The following NEK11 variants were observed in gnomAD, a reference collection of about 807,000 sequenced individuals.
The protein encoded by NEK11 is serine/threonine-protein kinase Nek11.
In NEK11, 72 loss-of-function variants were observed where a neutral mutation model predicts 80.7. The observed-to-expected ratio is 0.89, with a 90% CI of 0.74 to 1.08. The LOEUF (loss-of-function observed/expected upper bound fraction) is 1.08, where lower values mean the gene tolerates loss of function less well. Ranked by LOEUF, NEK11 falls within the 50% of genes least tolerant of loss-of-function variation. The pLI is 0.00. For missense variants in NEK11, 764 were observed against 763.6 expected (o/e 1.00, Z -0.01); for synonymous variants, 251 against 260.7 (o/e 0.96, Z 0.36).
intron 17 of NEK11, among the ~76,000 whole-genome samples, chr3:131,296,868 G>A (rs1182950336): frequency 2.0e-5 from 3 of 151,630 alleles, no homozygotes; most frequent in African/African-American, 7.3e-5. Context: ...GTGTCCATGG[G>A]TTCTCATTGT....
At chr3:131,090,798 T>G (rs1452462623) in intron 4 of NEK11, among the ~76,000 whole-genome samples, 2 of 152,214 alleles carry the variant, frequency 1.3e-5, no homozygotes, top group African/African-American at 4.8e-5. Flanking sequence ...TGGGGTTTCA[T>G]TCTGTCACCA....
At chr3:131,338,441 TTATAAAGTTAAA>T (rs1451230551) in intron 17 of NEK11, among the ~76,000 whole-genome samples, 1 of 152,120 alleles carries the variant, frequency 6.6e-6, no homozygotes, top group African/African-American at 2.4e-5. Context: ...AAGCAGTTTC[TTATAAAGTTAAA>T]TATACACTTA....
At chr3:131,250,252 A>G (rs58253311) in intron 16 of NEK11, among the ~76,000 whole-genome samples, 1,796 of 152,130 alleles carry the variant, frequency 0.012, 50 homozygotes, top group African/African-American at 0.04. Context: ...TTCCAGGAAA[A>G]AAGAACAGAA....
rs111825240 is a variant in NEK11, at chr3:131,175,407, C to A, written c.1399+4520C>A. On this transcript the variant is annotated intron_variant, in intron 14 of 17. Transcript: ENST00000383366. ...GTAGTTTGTTGATGGAATATATACT[C>A]TTTGACACTGAAAAGGAACACACAC... 2.6e-3 allele frequency among the ~76,000 whole-genome samples: 391 copies of A among 152,260 alleles called. 1 individual carries two copies. Among genetic ancestry groups the A allele is most frequent in the African/African-American group, 8.8e-3 (366 of 41,540 alleles).
intron 9 of NEK11, among the ~76,000 whole-genome samples, chr3:131,154,288 A>AT (rs1464347042): frequency 4.6e-5 from 7 of 152,134 alleles, no homozygotes; most frequent in African/African-American, 1.7e-4. Flanking sequence ...CAAAAAAAAA[A>AT]TGGGTCAAAA....
Position 131,115,952 on chromosome 3 carries a change from T to TTCTTTCTTTC in NEK11, c.455+6033_455+6042dup, listed in dbSNP as rs1197435224. ...TTTCTTTCTTTCTTTCTTTCTTTCT[T>TTCTTTCTTTC]TCTTTCTTTCTTTCTTTCTTTCTTT... On this transcript the variant is annotated intron_variant, in intron 5 of 17. Transcript: ENST00000383366. 1.7e-3 allele frequency among the ~76,000 whole-genome samples: 231 copies of TTCTTTCTTTC among 133,100 alleles called. 2 individuals are homozygous for TTCTTTCTTTC. The highest frequency in any genetic ancestry group is 1.9e-3 in the Non-Finnish European group (118 of 61,296). 87.3% of individuals were successfully genotyped at this position (133,100 alleles called of 152,430 possible).
At chr3:131,241,147 A>G (rs2095512584) in intron 15 of NEK11, among the ~76,000 whole-genome samples, 1 of 152,136 alleles carries the variant, frequency 6.6e-6, no homozygotes, top group African/African-American at 2.4e-5. Flanking sequence ...GCTCCTTGTG[A>G]AGAAAATATA....
chr3:131,346,488 G>A (rs1323355832), intron 17 of NEK11, among the ~76,000 whole-genome samples: 1 of 152,156 alleles, frequency 6.6e-6, no homozygotes, highest in East Asian at 1.9e-4. Flanking sequence ...GGTATATTTG[G>A]ATGCTTTTCT....
rs370514390 is a variant in NEK11, at chr3:131,309,698, G to A, written c.1718+36124G>A. ...TGGGTCTTTTGCCAGACAGCCTGAAGAATTCTATAAATAAAACTACCCTTT... is the reference window on the plus strand; with the variant it reads ...TGGGTCTTTTGCCAGACAGCCTGAAAAATTCTATAAATAAAACTACCCTTT... On this transcript the variant is annotated intron_variant, in intron 17 of 17. Transcript: ENST00000383366. Among the ~76,000 whole-genome samples, 176 of 151,890 alleles carry A rather than the reference G, an allele frequency of 1.2e-3. 3 individuals carry two copies. The highest frequency in any genetic ancestry group is 4.1e-4 in the Non-Finnish European group (28 of 67,950).
At chr3:131,134,654 C>T (rs1449209671) in intron 7 of NEK11, among the ~76,000 whole-genome samples, 3 of 152,160 alleles carry the variant, frequency 2.0e-5, no homozygotes, top group Non-Finnish European at 2.9e-5. Flanking sequence ...CTGCCTCAGC[C>T]TCCCAAAGTG....
At chr3:131,152,572 T>G in intron 8 of NEK11, 35 bp downstream of exon 8, 1 of 1,608,922 alleles carries the variant, frequency 6.2e-7, no homozygotes, top group Non-Finnish European at 8.5e-7. Context: ...AGAAATAATT[T>G]AAAGTTGTAC....
chr3:131,069,863 A>T (rs2072927240), intron 3 of NEK11, among the ~76,000 whole-genome samples: 2 of 151,238 alleles, frequency 1.3e-5, no homozygotes, highest in African/African-American at 2.4e-5. Context: ...GCATTGGGAG[A>T]TATACCTAAT....
chr3:131,178,321 A>G (rs2093153921), intron 14 of NEK11, among the ~76,000 whole-genome samples: 1 of 152,244 alleles, frequency 6.6e-6, no homozygotes, highest in African/African-American at 2.4e-5. Flanking sequence ...ACAGTAAATT[A>G]ACCTCAGCTT....
intron 5 of NEK11, among the ~76,000 whole-genome samples, chr3:131,127,245 G>A (rs994815388): frequency 5.9e-5 from 9 of 151,750 alleles, no homozygotes; most frequent in East Asian, 1.9e-4. Flanking sequence ...GATTATAGGC[G>A]TGAGCCACTG....
At chr3:131,163,585 G>A (rs918283100) in intron 11 of NEK11, among the ~76,000 whole-genome samples, 9 of 152,096 alleles carry the variant, frequency 5.9e-5, no homozygotes, top group Non-Finnish European at 1.0e-4. Flanking sequence ...CTAGGGGCAG[G>A]GGGGCATGAA....
chr3:131,169,417 G>A (rs1312857306), intron 13 of NEK11, among the ~76,000 whole-genome samples: 1 of 152,186 alleles, frequency 6.6e-6, no homozygotes, highest in Non-Finnish European at 1.5e-5. Context: ...AGAGAGAGTG[G>A]CTTGCTTTGT....
chr3:131,249,920 A>G (rs2095669404), intron 16 of NEK11, among the ~76,000 whole-genome samples: 5 of 152,296 alleles, frequency 3.3e-5, no homozygotes, highest in African/African-American at 9.6e-5. Context: ...CAAGACAAAA[A>G]TATACAAAGA....
intron 9 of NEK11, among the ~76,000 whole-genome samples, chr3:131,153,270 C>G (rs2090032544): frequency 6.6e-6 from 1 of 152,162 alleles, no homozygotes; most frequent in African/African-American, 2.4e-5. Context: ...CTTACCTGAA[C>G]ACTTTGTAAC....
At chr3:131,313,088 A>G (rs924728288) in intron 17 of NEK11, among the ~76,000 whole-genome samples, 15 of 151,826 alleles carry the variant, frequency 9.9e-5, no homozygotes, top group Admixed American at 7.2e-4. Context: ...TTGGTTTTCT[A>G]TTACTGTGTT....
Sources: gnomAD v4.1 joint callset for allele counts (sites outside exome capture counted in the v4.1 genomes callset) on GRCh38, gnomAD v4.1.1 for gene constraint, MANE v1.5 for transcripts, NCBI Gene and HGNC (gene_info 2026-07-23, HGNC 2026-07-21) for gene names.